GRIK4: variants seen among roughly 807,000 people sequenced by gnomAD.
GRIK4 encodes the protein glutamate receptor ionotropic, kainate 4.
GRIK4 carries 40 observed loss-of-function variants against 104.9 expected under a neutral mutation model. The ratio of observed to expected loss-of-function variants is 0.38; its 90% CI spans 0.30 to 0.50. The LOEUF (loss-of-function observed/expected upper bound fraction) is 0.50. Among genes scored for constraint, GRIK4 ranks in the 20% least tolerant of loss-of-function variants. GRIK4 has a pLI of 0.93. For synonymous variants in GRIK4, 485 were observed against 524.9 expected (o/e 0.92, Z 1.04); for missense variants, 1,047 against 1,308.1 (o/e 0.80, Z 3.08).
Position 120,939,806 on chromosome 11 carries a change from C to T in GRIK4, c.1477-541C>T, listed in dbSNP as rs1208440048. Among the ~76,000 whole-genome samples the T allele has an allele frequency of 2.6e-5, 4 of 152,096 alleles. No individual in the cohort carries two copies. Among genetic ancestry groups the T allele is most frequent in the Non-Finnish European group, 5.9e-5 (4 of 68,024 alleles). ...ACCAGCCTGGCCAGCATGGTGAAGC[C>T]CTGTGTCTACTAAAATTACAAAAAT... On this transcript the variant is annotated intron_variant, in intron 13 of 20. Transcript: ENST00000527524. The surrounding 1 kb of genome is among the most constrained non-coding windows in gnomAD (Gnocchi z 5.6).
intron 11 of GRIK4, among the ~76,000 whole-genome samples, chr11:120,885,400 T>C (rs34244289): frequency 1.3e-5 from 2 of 151,916 alleles, no homozygotes; most frequent in Non-Finnish European, 2.9e-5. Context: ...TTTTTTTTTT[T>C]CTGAGATGGA....
intron 13 of GRIK4, among the ~76,000 whole-genome samples, chr11:120,916,908 G>A (rs1287381269): frequency 6.6e-6 from 1 of 152,162 alleles, no homozygotes; most frequent in Non-Finnish European, 1.5e-5. Context: ...TTCCCCTAGG[G>A]AGTGCTTCCT....
chr11:120,808,532 C>T (rs924790799), intron 4 of GRIK4, among the ~76,000 whole-genome samples: 4 of 152,256 alleles, frequency 2.6e-5, no homozygotes, highest in South Asian at 2.1e-4. Flanking sequence ...GAGGCGATGG[C>T]GGTCTTGAGT....
rs555435599 is a variant in GRIK4, at chr11:120,575,238, C to T, written c.-159+63351C>T. 2.0e-5 allele frequency among the ~76,000 whole-genome samples: 3 copies of T among 152,286 alleles called. No individual in the cohort carries two copies. In the South Asian group the frequency reaches 6.2e-4, roughly 32 times the overall value. Reference sequence around the variant, plus strand: ...ATTTTGGCGAATTCTGAAGAGCACACGTTTTCCACTTAGCTCAGTCTGTGG... The same window carrying T: ...ATTTTGGCGAATTCTGAAGAGCACATGTTTTCCACTTAGCTCAGTCTGTGG... On this transcript the variant is annotated intron_variant, in intron 1 of 20. Coordinates refer to ENST00000527524, the MANE Select transcript of GRIK4 (RefSeq NM_014619.5).
At chr11:120,614,622 G>A (rs1214356514) in intron 1 of GRIK4, among the ~76,000 whole-genome samples, 1 of 152,196 alleles carries the variant, frequency 6.6e-6, no homozygotes, top group African/African-American at 2.4e-5. Flanking sequence ...CCACTCAGAT[G>A]TACATGCCAG....
chr11:120,806,097 C>T (rs761645538), intron 4 of GRIK4, among the ~76,000 whole-genome samples: 33 of 152,144 alleles, frequency 2.2e-4, no homozygotes, highest in Non-Finnish European at 4.6e-4. Flanking sequence ...GTAGGTGAAA[C>T]GCTCGGCACT....
At chr11:120,569,644 G>A (rs1042032088) in intron 1 of GRIK4, among the ~76,000 whole-genome samples, 21 of 152,288 alleles carry the variant, frequency 1.4e-4, no homozygotes, top group African/African-American at 3.6e-4. Context: ...GTAGTGATGC[G>A]TAGAGTGACT....
At chr11:120,552,404 A>G (rs572707487) in intron 1 of GRIK4, among the ~76,000 whole-genome samples, 2 of 152,306 alleles carry the variant, frequency 1.3e-5, no homozygotes, top group South Asian at 4.2e-4. Context: ...GGCTTTCCCC[A>G]ACACCTTGTT....
intron 3 of GRIK4, among the ~76,000 whole-genome samples, chr11:120,759,839 A>G (rs1951716547): frequency 6.6e-6 from 1 of 151,972 alleles, no homozygotes; most frequent in Non-Finnish European, 1.5e-5. Context: ...ATCTTTTTTT[A>G]AAATAAATTT....
chr11:120,647,363 C>T (rs1424655916), intron 1 of GRIK4, among the ~76,000 whole-genome samples: 1 of 152,204 alleles, frequency 6.6e-6, no homozygotes, highest in East Asian at 1.9e-4. Context: ...TCGGGCGCCC[C>T]TTGGTCCCAT....
chr11:120,650,079 A>C (rs528556747), intron 1 of GRIK4, among the ~76,000 whole-genome samples: 2 of 152,106 alleles, frequency 1.3e-5, no homozygotes, highest in Non-Finnish European at 2.9e-5. Flanking sequence ...CACAGGTGGA[A>C]GCTCTGTGGG....
chr11:120,726,754 G>T (rs1399209878), intron 3 of GRIK4, among the ~76,000 whole-genome samples: 2 of 151,186 alleles, frequency 1.3e-5, no homozygotes, highest in African/African-American at 4.9e-5. Context: ...GTTGAGAGAT[G>T]CAGGCTGGGG....
chr11:120,617,466 G>A (rs1647787614), intron 1 of GRIK4, among the ~76,000 whole-genome samples: 2 of 152,246 alleles, frequency 1.3e-5, no homozygotes, highest in African/African-American at 4.8e-5. Flanking sequence ...TGCAGCCTCA[G>A]CCTCGCAGGC....
intron 1 of GRIK4, among the ~76,000 whole-genome samples, chr11:120,639,538 C>T (rs1457845670): frequency 6.6e-6 from 1 of 152,218 alleles, no homozygotes; most frequent in Non-Finnish European, 1.5e-5. Context: ...GCCCCTGTCT[C>T]AGTAAGTGAC....
chr11:120,706,463 C>T (rs1012230666), intron 3 of GRIK4, among the ~76,000 whole-genome samples: 9 of 152,084 alleles, frequency 5.9e-5, no homozygotes, highest in Admixed American at 1.3e-4. Flanking sequence ...TGTGTCTGCC[C>T]TGTGTCTCTC....
chr11:120,909,345 G>A (rs1341919143), intron 13 of GRIK4, among the ~76,000 whole-genome samples: 2 of 152,200 alleles, frequency 1.3e-5, no homozygotes, highest in Non-Finnish European at 2.9e-5. Context: ...CCCTTTTCTT[G>A]TTCAAGAAGT....
intron 3 of GRIK4, among the ~76,000 whole-genome samples, chr11:120,670,381 G>A (rs147968847): frequency 9.2e-5 from 14 of 152,342 alleles, no homozygotes; most frequent in African/African-American, 3.1e-4. Context: ...AATAAAAGAT[G>A]AAGTCCTCAC....
chr11:120,755,860 C>T (rs1019119553), intron 3 of GRIK4, among the ~76,000 whole-genome samples: 2 of 152,166 alleles, frequency 1.3e-5, no homozygotes, highest in Admixed American at 6.5e-5. Context: ...TTTATCATCT[C>T]ATGATAGCCT....
chr11:120,782,371 C>T (rs1042805414), intron 3 of GRIK4, among the ~76,000 whole-genome samples: 1 of 151,504 alleles, frequency 6.6e-6, no homozygotes, highest in South Asian at 2.1e-4. Flanking sequence ...CTGCAAGCTC[C>T]GCCTCCCGGG....
Sources: allele counts gnomAD v4.1 joint callset (sites outside exome capture counted in the v4.1 genomes callset), GRCh38; gene constraint gnomAD v4.1.1; non-coding constraint Gnocchi (gnomAD v3.1); transcripts MANE v1.5; gene names NCBI Gene and HGNC (gene_info 2026-07-23, HGNC 2026-07-21).